The following NTNG1 variants were observed in gnomAD, a reference collection of about 807,000 sequenced individuals.
NTNG1 encodes netrin-G1.
Under a neutral mutation model 54.0 loss-of-function variants are expected in NTNG1, and 16 were observed. That is an observed-to-expected ratio of 0.30 (90% CI 0.20 to 0.45). The LOEUF (loss-of-function observed/expected upper bound fraction) is 0.45. NTNG1 is among the 20% of genes least tolerant of loss of function. NTNG1 has a pLI of 1.00. For missense variants in NTNG1, 530 were observed against 678.7 expected (o/e 0.78, Z 2.43); for synonymous variants, 255 against 263.1 (o/e 0.97, Z 0.30).
chr1:107,311,046 C>A (rs1193811917), intron 2 of NTNG1, among the ~76,000 whole-genome samples: 1 of 152,120 alleles, frequency 6.6e-6, no homozygotes, highest in Admixed American at 6.5e-5. Flanking sequence ...GGCAAATAAA[C>A]AAAGAGCATA....
intron 2 of NTNG1, among the ~76,000 whole-genome samples, chr1:107,271,271 C>G (rs981671031): frequency 6.6e-6 from 1 of 152,046 alleles, no homozygotes; most frequent in Non-Finnish European, 1.5e-5. Context: ...CATACGTATA[C>G]ATGTGCCATG....
intron 2 of NTNG1, among the ~76,000 whole-genome samples, chr1:107,292,617 C>G (rs1665684651): frequency 6.6e-6 from 1 of 152,170 alleles, no homozygotes; most frequent in Non-Finnish European, 1.5e-5. Context: ...TGGGCTCACA[C>G]ATGCTCACTA....
chr1:107,233,798 AT>A (rs1661220566), intron 2 of NTNG1, among the ~76,000 whole-genome samples: 1 of 152,020 alleles, frequency 6.6e-6, no homozygotes, highest in African/African-American at 2.4e-5. Flanking sequence ...TGGCTTTGAC[AT>A]TTTTTTGCTC....
intron 2 of NTNG1, among the ~76,000 whole-genome samples, chr1:107,271,048 T>C (rs996093912): frequency 1.3e-5 from 2 of 152,064 alleles, no homozygotes; most frequent in Non-Finnish European, 2.9e-5. Context: ...GCAGATTGCT[T>C]ACCACAAAAA....
chr1:107,323,521 C>T lies in NTNG1; in HGVS notation c.247-761C>T, dbSNP rs529207388. 7.2e-5 allele frequency among the ~76,000 whole-genome samples: 11 copies of T among 152,196 alleles called. No individual in the cohort carries two copies. In the East Asian group the frequency reaches 1.9e-3, roughly 27 times the overall value. ...ACAGAGTAACAAACACATCAAGTGGCTGTGGTTTGATGTGCAACAGCCTCC... is the reference window on the plus strand; with the variant it reads ...ACAGAGTAACAAACACATCAAGTGGTTGTGGTTTGATGTGCAACAGCCTCC... On this transcript the variant is annotated intron_variant, in intron 2 of 7. Coordinates refer to ENST00000370068, the MANE Select transcript of NTNG1 (RefSeq NM_001113226.3).
intron 2 of NTNG1, among the ~76,000 whole-genome samples, chr1:107,231,553 T>C (rs573600531): frequency 6.6e-6 from 1 of 152,208 alleles, no homozygotes; most frequent in South Asian, 2.1e-4. Flanking sequence ...CTCCTTATGA[T>C]ATGAGTAGGT....
At chr1:107,326,042 C>T (rs1215161075) in intron 3 of NTNG1, among the ~76,000 whole-genome samples, 2 of 152,028 alleles carry the variant, frequency 1.3e-5, no homozygotes, top group African/African-American at 4.8e-5. Context: ...TAGAGATTTG[C>T]CTTACCTATG....
rs938238297 is a variant in NTNG1 at position 107,483,123 on chromosome 1, T to C, written c.*2283T>C. The C allele has an allele frequency of 3.9e-5, 6 of 152,236 alleles. No homozygotes were observed. Among genetic ancestry groups the C allele is most frequent in the African/African-American group, 7.2e-5 (3 of 41,464 alleles). 9.4% of individuals were successfully genotyped at this position (152,236 alleles called of 1,614,324 possible). ...TTTATAATGAGGTGGATTTCTGATA[T>C]TAAAATTAGAGTTTAAGTTGTCTTA... is the stretch of plus-strand genomic sequence containing the variant. On this transcript the variant is annotated 3_prime_UTR_variant, in exon 8 of 8. Coordinates refer to ENST00000370068, the MANE Select transcript of NTNG1 (RefSeq NM_001113226.3).
intron 3 of NTNG1, among the ~76,000 whole-genome samples, chr1:107,349,507 G>A (rs901181330): frequency 2.0e-5 from 3 of 152,222 alleles, no homozygotes; most frequent in Non-Finnish European, 1.5e-5. Flanking sequence ...TAGAATATTA[G>A]CAATATTGTT....
intron 2 of NTNG1, among the ~76,000 whole-genome samples, chr1:107,186,168 C>A (rs1657445715): frequency 6.6e-6 from 1 of 152,120 alleles, no homozygotes; most frequent in African/African-American, 2.4e-5. Context: ...CCTCCAGTTC[C>A]ATCTGTGTTG....
intron 7 of NTNG1, among the ~76,000 whole-genome samples, chr1:107,478,693 C>G (rs374427461): frequency 2.6e-5 from 4 of 152,234 alleles, no homozygotes; most frequent in East Asian, 3.8e-4. Context: ...CTGCCTGGAA[C>G]AAGAAATGCT....
chr1:107,403,710 A>C (rs1225890640), intron 4 of NTNG1: 1 of 154,258 alleles, frequency 6.5e-6, no homozygotes, highest in Non-Finnish European at 1.5e-5. Flanking sequence ...GTCAAAAAAA[A>C]AAAAAAAACC....
At chr1:107,192,547 T>G (rs1658040294) in intron 2 of NTNG1, among the ~76,000 whole-genome samples, 1 of 151,972 alleles carries the variant, frequency 6.6e-6, no homozygotes, top group African/African-American at 2.4e-5. Flanking sequence ...ACCCCTACTT[T>G]CCCCTTTCAA....
intron 2 of NTNG1, among the ~76,000 whole-genome samples, chr1:107,190,575 A>C (rs1657828715): frequency 2.0e-5 from 3 of 150,970 alleles, no homozygotes; most frequent in African/African-American, 7.3e-5. Flanking sequence ...ATCCCTCTCC[A>C]CTCCCCCCAC....
intron 2 of NTNG1, among the ~76,000 whole-genome samples, chr1:107,149,971 A>G (rs1654434923): frequency 6.6e-6 from 1 of 152,166 alleles, no homozygotes; most frequent in South Asian, 2.1e-4. Flanking sequence ...AAATTAGCAT[A>G]AGATCATCTT....
chr1:107,435,256 A>C (rs1675525959), intron 6 of NTNG1, among the ~76,000 whole-genome samples: 1 of 152,184 alleles, frequency 6.6e-6, no homozygotes, highest in Non-Finnish European at 1.5e-5. Context: ...AAGCTTTCAC[A>C]AAATTAGTAT....
intron 7 of NTNG1, among the ~76,000 whole-genome samples, chr1:107,477,304 C>T (rs1165740206): frequency 1.3e-5 from 2 of 152,154 alleles, no homozygotes; most frequent in Non-Finnish European, 2.9e-5. Flanking sequence ...GAATAAAGCT[C>T]AACACTGGAA....
intron 2 of NTNG1, among the ~76,000 whole-genome samples, chr1:107,240,670 C>T (rs1661769171): frequency 6.6e-6 from 1 of 152,118 alleles, no homozygotes; most frequent in Non-Finnish European, 1.5e-5. Flanking sequence ...TAATACCTGG[C>T]TATCTGTTGG....
rs554360309 is a variant in NTNG1 at position 107,214,141 on chromosome 1, A to AT, written c.246+65302_246+65303insT. 4.1e-4 allele frequency among the ~76,000 whole-genome samples: 62 copies of AT among 151,888 alleles called. No individual in the cohort carries two copies. In the East Asian group the frequency reaches 0.011, roughly 28 times the overall value. The stretch of plus-strand genomic sequence containing the variant: ...TTTAATGTATTTATTTTTTATTTCA[A>AT]GATTTTTGGTAAACAGGTGATGTTT... On this transcript the variant is annotated intron_variant, in intron 2 of 7. Coordinates refer to ENST00000370068, the MANE Select transcript of NTNG1 (RefSeq NM_001113226.3).
Sources: gnomAD v4.1 joint callset for allele counts (sites outside exome capture counted in the v4.1 genomes callset) on GRCh38, gnomAD v4.1.1 for gene constraint, MANE v1.5 for transcripts, NCBI Gene and HGNC (gene_info 2026-07-23, HGNC 2026-07-21) for gene names.